FBXL20: variants seen among roughly 807,000 people sequenced by gnomAD.
The protein encoded by FBXL20 is F-box/LRR-repeat protein 20.
Under a neutral mutation model 64.0 loss-of-function variants are expected in FBXL20, and 11 were observed. The observed-to-expected ratio is 0.17, with a 90% CI of 0.11 to 0.28. The LOEUF (loss-of-function observed/expected upper bound fraction) is 0.28. Ranked by LOEUF, FBXL20 falls within the 10% of genes least tolerant of loss-of-function variation. The pLI is 1.00. For missense variants in FBXL20, 303 were observed against 526.2 expected, an observed-to-expected ratio of 0.58 and a Z score of 4.15; for synonymous variants, 184 against 189.0, an observed-to-expected ratio of 0.97 and a Z score of 0.22.
intron 2 of FBXL20, among the ~76,000 whole-genome samples, chr17:39,316,740 C>T (rs1210758740): frequency 2.6e-5 from 4 of 152,232 alleles, no homozygotes; most frequent in Admixed American, 6.5e-5. Flanking sequence ...AATCCAAGCA[C>T]TTTGGGAGGC....
At chr17:39,310,164 A>G (rs549334303) in intron 2 of FBXL20, among the ~76,000 whole-genome samples, 24 of 151,538 alleles carry the variant, frequency 1.6e-4, no homozygotes, top group East Asian at 5.8e-4. Flanking sequence ...AAAAAAAAAA[A>G]AAAAGAAAAG....
At chr17:39,294,922 T>C (rs957266845) in intron 6 of FBXL20, among the ~76,000 whole-genome samples, 12 of 152,130 alleles carry the variant, frequency 7.9e-5, no homozygotes, top group Non-Finnish European at 1.2e-4. Context: ...TGGGCTGAGA[T>C]TGTGCCACTG....
At chr17:39,323,686 C>G (rs968813316) in intron 2 of FBXL20, among the ~76,000 whole-genome samples, 1 of 152,134 alleles carries the variant, frequency 6.6e-6, no homozygotes, top group Admixed American at 6.6e-5. Context: ...CCTTAAAATA[C>G]AGGACACACC....
intron 1 of FBXL20, among the ~76,000 whole-genome samples, chr17:39,394,341 C>T (rs1258133120): frequency 1.4e-5 from 2 of 147,444 alleles, no homozygotes; most frequent in African/African-American, 5.1e-5. Context: ...TGCTGTGGCT[C>T]GGCTCACTGC....
At chr17:39,307,739 G>T (rs1455299983) in intron 2 of FBXL20, among the ~76,000 whole-genome samples, 1 of 151,872 alleles carries the variant, frequency 6.6e-6, no homozygotes, top group Non-Finnish European at 1.5e-5. Flanking sequence ...GGGAGGCCGA[G>T]GCGGGTGGAT....
At chr17:39,290,027 A>AAAT in intron 6 of FBXL20, among the ~76,000 whole-genome samples, 1 of 150,322 alleles carries the variant, frequency 6.7e-6, no homozygotes, top group African/African-American at 2.4e-5. Context: ...AAAAAAAAAA[A>AAAT]ATTCTATGTT....
chr17:39,289,073 G>A (rs1305222209), intron 6 of FBXL20, among the ~76,000 whole-genome samples: 2 of 152,028 alleles, frequency 1.3e-5, no homozygotes, highest in African/African-American at 4.8e-5. Context: ...GTCTATGTGT[G>A]GGCTCCTTTC....
intron 1 of FBXL20, 52 bp from the exon 2 acceptor site, chr17:39,343,293 A>C: frequency 7.6e-7 from 1 of 1,317,784 alleles, no homozygotes; most frequent in Non-Finnish European, 1.1e-6. Flanking sequence ...TTATTACAGA[A>C]TGTTCAACTC....
At position 39,256,355 on chromosome 17, in the gene FBXL20, G is replaced by A. The variant is rs2046696214; in HGVS notation, c.*5105C>T. Reference sequence around the variant, plus strand: ...AAAAAAAAAAAGAAATATAGGCGAGGAAAGGCTGTGACTCCATTTTTCCCC... The same window carrying A: ...AAAAAAAAAAAGAAATATAGGCGAGAAAAGGCTGTGACTCCATTTTTCCCC... On this transcript the variant is annotated 3_prime_UTR_variant, in exon 15 of 15. Transcript: ENST00000264658. The A allele has an allele frequency of 6.6e-6, 1 of 150,806 alleles. No individual in the cohort carries two copies. Among genetic ancestry groups the A allele is most frequent in the Non-Finnish European group, 1.5e-5 (1 of 67,854 alleles). The allele number at this position is 150,806 out of a possible 1,614,324, so 9.3% of individuals were successfully genotyped here. A position where few individuals can be genotyped will look rare whatever the true frequency, so the allele number is the denominator to read the frequency against.
At chr17:39,367,049 A>AT (rs1480567770) in intron 1 of FBXL20, among the ~76,000 whole-genome samples, 1 of 151,284 alleles carries the variant, frequency 6.6e-6, no homozygotes, top group Non-Finnish European at 1.5e-5. Context: ...CGCCCAGCTA[A>AT]TTTTTTGTAT....
At chr17:39,296,240 A>G (rs1385904919) in intron 6 of FBXL20, among the ~76,000 whole-genome samples, 1 of 152,100 alleles carries the variant, frequency 6.6e-6, no homozygotes, top group African/African-American at 2.4e-5. Context: ...CTCACAGTAA[A>G]CGTTTCCAAA....
At chr17:39,282,673 G>C in intron 8 of FBXL20, 56 bp downstream of exon 8, 1 of 1,612,086 alleles carries the variant, frequency 6.2e-7, no homozygotes, top group South Asian at 1.1e-5. Context: ...TCTATAAAGA[G>C]CTCATGATTC....
intron 1 of FBXL20, among the ~76,000 whole-genome samples, chr17:39,381,455 G>C (rs2048022206): frequency 6.7e-6 from 1 of 149,222 alleles, no homozygotes; most frequent in Admixed American, 6.7e-5. Context: ...ACTCCAGCCT[G>C]GGTAATACAG....
At chr17:39,321,436 A>G (rs2144513592) in intron 2 of FBXL20, among the ~76,000 whole-genome samples, 1 of 150,154 alleles carries the variant, frequency 6.7e-6, no homozygotes. Context: ...ATTGCACTCC[A>G]GCCTGGCAAC....
chr17:39,348,989 T>C (rs1014428351), intron 1 of FBXL20, among the ~76,000 whole-genome samples: 2 of 151,932 alleles, frequency 1.3e-5, no homozygotes, highest in Admixed American at 1.3e-4. Flanking sequence ...CAGCAGTTCA[T>C]GCCTGTAATC....
chr17:39,386,698 T>C (rs958646619), intron 1 of FBXL20, among the ~76,000 whole-genome samples: 1 of 152,174 alleles, frequency 6.6e-6, no homozygotes, highest in Non-Finnish European at 1.5e-5. Context: ...ACCATTAGCA[T>C]GAAGCATAGT....
At position 39,280,107 on chromosome 17, in the gene FBXL20, C is replaced by T. The variant is rs189203130; in HGVS notation, c.696+1282G>A. On this transcript the variant is annotated intron_variant, in intron 9 of 14. Transcript: ENST00000264658. ...AAAATCAGCCAGGTGTGGTGACGGG[C>T]GCTTGTAATCCCAGCTACTTGGGAG... Among the ~76,000 whole-genome samples the T allele has an allele frequency of 1.8e-4, 28 of 151,876 alleles. 1 individual carries two copies. In the East Asian group the frequency reaches 5.0e-3, roughly 27 times the overall value.
chr17:39,337,820 T>C (rs1332914568), intron 2 of FBXL20, among the ~76,000 whole-genome samples: 1 of 133,598 alleles, frequency 7.5e-6, no homozygotes, highest in Non-Finnish European at 1.6e-5. Flanking sequence ...AGGAGGGAGG[T>C]GGGGGGTCAG....
intron 1 of FBXL20, among the ~76,000 whole-genome samples, chr17:39,399,499 A>G (rs995285047): frequency 2.0e-5 from 3 of 152,220 alleles, no homozygotes; most frequent in Non-Finnish European, 4.4e-5. Flanking sequence ...AACACATATC[A>G]TTTCTAGCCA....
Sources: gnomAD v4.1 joint callset for allele counts (sites outside exome capture counted in the v4.1 genomes callset) on GRCh38, gnomAD v4.1.1 for gene constraint, MANE v1.5 for transcripts, NCBI Gene and HGNC (gene_info 2026-07-23, HGNC 2026-07-21) for gene names.